The following GFOD2 variants were observed in gnomAD, a reference collection of about 807,000 sequenced individuals.
The protein encoded by GFOD2 is glucose-fructose oxidoreductase domain-containing protein 2.
Under a neutral mutation model 24.6 loss-of-function variants are expected in GFOD2, and 9 were observed. That is an observed-to-expected ratio of 0.37 (90% CI 0.22 to 0.64). GFOD2 has a LOEUF of 0.64. GFOD2 is among the 30% of genes least tolerant of loss of function. The probability of loss-of-function intolerance (pLI) is 0.65; values close to 1 mark genes in which losing one functional copy is unlikely to be tolerated. For synonymous variants in GFOD2, 211 were observed against 224.8 expected (o/e 0.94, Z 0.55); for missense variants, 476 against 532.5 (o/e 0.89, Z 1.04).
At chr16:67,681,514 A>G (rs2053225163) in intron 2 of GFOD2, 1 of 659,360 alleles carries the variant, frequency 1.5e-6, no homozygotes, top group South Asian at 6.8e-5. Context: ...GCTCAAGCTA[A>G]CCTCCCACCT....
At chr16:67,678,224 C>G (rs1485758804) in intron 2 of GFOD2, among the ~76,000 whole-genome samples, 2 of 152,174 alleles carry the variant, frequency 1.3e-5, no homozygotes. Context: ...CGCCTATAAT[C>G]CCAGCACTTT....
At chr16:67,681,137 A>G (rs2053222277) in intron 2 of GFOD2, 1 of 985,348 alleles carries the variant, frequency 1.0e-6, no homozygotes, top group Admixed American at 6.1e-5. Context: ...TGCTGAACAC[A>G]TATGGCTGAC....
At position 67,675,828 on chromosome 16, in the gene GFOD2, T is replaced by C. The variant is rs765001253; in HGVS notation, c.485A>G (p.Tyr162Cys). 1.1e-5 allele frequency: 18 copies of C among 1,614,042 alleles called. No individual in the cohort carries two copies. Among genetic ancestry groups the C allele is most frequent in the South Asian group, 4.4e-5 (4 of 91,094 alleles). ...CATGAGCTCATCACAGATCCAGCCATAGCTGGGGCTCAGCAGGCTGCCTGA... is the reference window on the plus strand; with the variant it reads ...CATGAGCTCATCACAGATCCAGCCACAGCTGGGGCTCAGCAGGCTGCCTGA... The part of the protein sequence containing the change: ...IYSGSLLSPS[Y>C]GWICDELMGG... Residue 162 changes from tyrosine (Y) to cysteine (C), a missense_variant, in exon 3 of 3, where the codon TAT becomes TGT. Coordinates refer to ENST00000268797, the MANE Select transcript of GFOD2 (RefSeq NM_030819.4).
In GFOD2 at chr16:67,676,005, G is replaced by T; in HGVS notation, c.308C>A (p.Ala103Asp). ...GCGCGAGGCTGTCACCATCCGGAAGGCATCCACCGATGTTGCTGCCTTCTC... is the reference window on the plus strand; with the variant it reads ...GCGCGAGGCTGTCACCATCCGGAAGTCATCCACCGATGTTGCTGCCTTCTC... ...VCEKAATSVD[A>D]FRMVTASRYY... The change falls in exon 3 of 3, where the codon GCC becomes GAC. Residue 103 changes from alanine (A) to aspartate (D), a missense_variant. By Grantham distance (126) the Ala-to-Asp change is moderately radical. Coordinates refer to ENST00000268797, the MANE Select transcript of GFOD2 (RefSeq NM_030819.4). The T allele has an allele frequency of 6.2e-7, 1 of 1,613,998 alleles. No homozygotes were observed. Among genetic ancestry groups the T allele is most frequent in the Non-Finnish European group, 8.5e-7 (1 of 1,179,924 alleles).
Position 67,683,498 on chromosome 16 carries a change from A to T in GFOD2, c.259+1959T>A, listed in dbSNP as rs2053243227. 5 of 1,231,732 alleles carry T rather than the reference A, an allele frequency of 4.1e-6. 1 individual carries two copies. The East Asian group carries it at 1.6e-4, about 39-fold the overall frequency. The allele number at this position is 1,231,732 out of a possible 1,614,324, so 76.3% of individuals were successfully genotyped here. ...TTGACTTAGGTCTATTTCTGAATTC[A>T]ATCTGGGAGCCACCATCTGACCTCC... On this transcript the variant is annotated intron_variant, in intron 2 of 2. Coordinates refer to ENST00000268797, the MANE Select transcript of GFOD2 (RefSeq NM_030819.4).
rs1176761022 is a variant in GFOD2, at chr16:67,683,621, C to T, written c.259+1836G>A. 12 of 1,231,672 alleles carry T rather than the reference C, an allele frequency of 9.7e-6. No individual in the cohort carries two copies. The East Asian group carries it at 3.8e-4, about 39-fold the overall frequency. 76.3% of individuals were successfully genotyped at this position (1,231,672 alleles called of 1,614,324 possible). A position where few individuals can be genotyped will look rare whatever the true frequency, so the allele number is the denominator to read the frequency against. On this transcript the variant is annotated intron_variant, in intron 2 of 2. Coordinates refer to ENST00000268797, the MANE Select transcript of GFOD2 (RefSeq NM_030819.4). ...AAACAATAAGGCCAAAACTTACTTGCTCCAAATTGACAACCGGACAGACTG... is the reference window on the plus strand; with the variant it reads ...AAACAATAAGGCCAAAACTTACTTGTTCCAAATTGACAACCGGACAGACTG...
chr16:67,675,343 G>A lies in GFOD2; in HGVS notation c.970C>T (p.Arg324Cys), dbSNP rs775145733. 20 of 1,613,156 alleles carry A rather than the reference G, an allele frequency of 1.2e-5. No individual in the cohort carries two copies. Among genetic ancestry groups the A allele is most frequent in the Middle Eastern group, 1.6e-4 (1 of 6,062 alleles). The change falls in exon 3 of 3, where the codon CGC (arginine) becomes TGC (cysteine). Residue 324 changes from arginine to cysteine, a missense_variant. Physicochemically the swap from Arg to Cys is radical, Grantham distance 180. Coordinates refer to ENST00000268797, the MANE Select transcript of GFOD2 (RefSeq NM_030819.4). ...ACAGGGGTGCGGTCCCAGGTGCGGC[G>A]GTCGCCCTGCCCCTGGAAGGACTGG... is the stretch of plus-strand genomic sequence containing the variant. ...LRQSFQGQGDRRTWDRTPVSM... is the reference protein window; with the variant it reads ...LRQSFQGQGDCRTWDRTPVSM...
intron 1 of GFOD2, among the ~76,000 whole-genome samples, chr16:67,692,290 T>C (rs1237689499): frequency 7.0e-6 from 1 of 143,420 alleles, no homozygotes; most frequent in East Asian, 2.1e-4. Flanking sequence ...AAACTAAAAA[T>C]ACACACACAG....
intron 2 of GFOD2, chr16:67,677,219 TA>T (rs1234341779): frequency 6.6e-6 from 1 of 152,142 alleles, no homozygotes; most frequent in Non-Finnish European, 1.5e-5. Flanking sequence ...ATTTTCTTTT[TA>T]AAAAAATATT....
chr16:67,674,742 C>G lies in GFOD2; in HGVS notation c.*413G>C, dbSNP rs778452174. The stretch of plus-strand genomic sequence containing the variant: ...GGACAGCTTGTTGCCCTCACTGTTC[C>G]TGAGATGCCCCAGCCCAAGAACGAA... On this transcript the variant is annotated 3_prime_UTR_variant, in exon 3 of 3. Coordinates refer to ENST00000268797, the MANE Select transcript of GFOD2 (RefSeq NM_030819.4). 5.4e-5 allele frequency: 9 copies of G among 167,770 alleles called. No homozygotes were observed. The highest frequency in any genetic ancestry group is 5.8e-3 in the Middle Eastern group (2 of 346). 10.4% of individuals were successfully genotyped at this position (167,770 alleles called of 1,614,324 possible).
chr16:67,696,504 C>T (rs1433045259), intron 1 of GFOD2, among the ~76,000 whole-genome samples: 4 of 151,790 alleles, frequency 2.6e-5, no homozygotes, highest in South Asian at 2.1e-4. Context: ...GAGACAGTCT[C>T]GCTCCGTCAC....
chr16:67,682,370 G>A (rs2053233310), intron 2 of GFOD2: 1 of 985,414 alleles, frequency 1.0e-6, no homozygotes, highest in Non-Finnish European at 1.2e-6. Context: ...AACCACAGAA[G>A]TGCCAAGAAT....
intron 1 of GFOD2, among the ~76,000 whole-genome samples, chr16:67,700,947 G>T (rs914075470): frequency 3.4e-5 from 5 of 148,704 alleles, no homozygotes; most frequent in African/African-American, 7.5e-5. Flanking sequence ...TGAGGCAGGA[G>T]AATCGCTTGA....
intron 1 of GFOD2, among the ~76,000 whole-genome samples, chr16:67,689,047 G>GTT (rs1189549772): frequency 8.7e-6 from 1 of 115,256 alleles, no homozygotes; most frequent in Admixed American, 8.8e-5. Flanking sequence ...CCTACTTTTT[G>GTT]TTTTTTTTTT....
At chr16:67,695,761 C>T (rs1204252876) in intron 1 of GFOD2, among the ~76,000 whole-genome samples, 1 of 151,886 alleles carries the variant, frequency 6.6e-6, no homozygotes, top group Non-Finnish European at 1.5e-5. Flanking sequence ...GTCTCGAACT[C>T]CTGACCTCAG....
At chr16:67,704,181 G>C (rs545060655) in intron 1 of GFOD2, among the ~76,000 whole-genome samples, 2 of 152,108 alleles carry the variant, frequency 1.3e-5, no homozygotes, top group African/African-American at 2.4e-5. Flanking sequence ...TTTTGACCCC[G>C]AGTTCAGTAC....
chr16:67,687,527 G>C (rs1027383382), intron 1 of GFOD2, among the ~76,000 whole-genome samples: 1 of 151,494 alleles, frequency 6.6e-6, no homozygotes, highest in African/African-American at 2.4e-5. Flanking sequence ...TGTAGTCCCA[G>C]CTACTCGGGA....
intron 1 of GFOD2, among the ~76,000 whole-genome samples, chr16:67,713,179 G>A (rs1007627990): frequency 6.6e-6 from 1 of 151,666 alleles, no homozygotes; most frequent in Non-Finnish European, 1.5e-5. Context: ...CCGCCACACT[G>A]GCCAGACATA....
Position 67,675,553 on chromosome 16 carries a change from C to T in GFOD2, c.760G>A (p.Val254Ile). Reference sequence around the variant, plus strand: ...GCGACGAGGCGTCCTGCAGAGCCTACCACCATGACTTCATGCACAAAGGCG... The same window carrying T: ...GCGACGAGGCGTCCTGCAGAGCCTATCACCATGACTTCATGCACAAAGGCG... ...PGAFVHEVMV[V>I]GSAGRLVARG... Residue 254 changes from valine (V) to isoleucine (I), a missense_variant, in exon 3 of 3, where the codon GTA becomes ATA. Val to Ile is a conservative substitution (Grantham distance 29). Transcript: ENST00000268797. 1 of 1,613,452 alleles carries T rather than the reference C, an allele frequency of 6.2e-7. No individual in the cohort carries two copies. The highest frequency in any genetic ancestry group is 1.6e-4 in the Middle Eastern group (1 of 6,062).
Sources: gnomAD v4.1 joint callset for allele counts (sites outside exome capture counted in the v4.1 genomes callset) on GRCh38, gnomAD v4.1.1 for gene constraint, MANE v1.5 for transcripts, NCBI Gene and HGNC (gene_info 2026-07-23, HGNC 2026-07-21) for gene names.